PRPF3: variants seen among roughly 807,000 people sequenced by gnomAD.
PRPF3 encodes pre-mRNA processing factor 3, also known as U4/U6 small nuclear ribonucleoprotein Prp3.
A neutral mutation model predicts 89.2 loss-of-function variants in PRPF3; 3 were observed. The observed-to-expected ratio is 0.03, with a 90% CI of 0.02 to 0.09. The LOEUF (loss-of-function observed/expected upper bound fraction) is 0.09, where lower values mean the gene tolerates loss of function less well. PRPF3 is among the 10% of genes least tolerant of loss of function. The pLI is 1.00. For missense variants in PRPF3, 463 were observed against 828.8 expected (o/e 0.56, Z 5.42); for synonymous variants, 270 against 289.1 (o/e 0.93, Z 0.67).
At chr1:150,334,180 G>A (rs782505729) in intron 6 of PRPF3, among the ~76,000 whole-genome samples, 2 of 151,908 alleles carry the variant, frequency 1.3e-5, no homozygotes, top group African/African-American at 4.8e-5. Context: ...TAGAGCATGC[G>A]TGTAGTTCCA....
intron 7 of PRPF3, 103 bp from the exon 8 acceptor site, chr1:150,338,057 A>G (rs1657244592): frequency 1.6e-6 from 2 of 1,277,478 alleles, no homozygotes; most frequent in Non-Finnish European, 2.2e-6. Context: ...CTGGGCAAGA[A>G]GAACGAAACT....
chr1:150,344,473 A>T lies in PRPF3; in HGVS notation c.1566A>T (p.Ala522=), dbSNP rs1658085256. 1 of 1,614,228 alleles carries T rather than the reference A, an allele frequency of 6.2e-7. No homozygotes were observed. The highest frequency in any genetic ancestry group is 8.5e-7 in the Non-Finnish European group (1 of 1,180,036). The part of the protein sequence containing the change: ...EEANAARKLT[A]EQRKVKKIKK... ...CCAACGCTGCCCGAAAACTCACAGC[A>T]GAACAGAGAAAGGTCAAGAAAATTA... The change falls in exon 12 of 16, where the codon GCA becomes GCT. Residue 522 remains alanine (A), a synonymous_variant. Coordinates refer to ENST00000324862, the MANE Select transcript of PRPF3 (RefSeq NM_004698.4).
intron 13 of PRPF3, 72 bp downstream of exon 13, chr1:150,346,208 G>A: frequency 1.4e-6 from 2 of 1,416,068 alleles, no homozygotes; most frequent in Non-Finnish European, 2.0e-6. Context: ...ATTGTGGGGA[G>A]AAAGGAGAAA....
intron 2 of PRPF3, among the ~76,000 whole-genome samples, chr1:150,325,350 AT>A (rs1419308179): frequency 4.6e-5 from 7 of 152,222 alleles, no homozygotes; most frequent in African/African-American, 1.7e-4. Flanking sequence ...CTTAGGAAGT[AT>A]GCTTAAGTCA....
chr1:150,338,304 A>G lies in PRPF3; in HGVS notation c.1180A>G (p.Ile394Val). Residue 394 changes from isoleucine to valine, a missense_variant, in exon 8 of 16, where the codon ATA (isoleucine) becomes GTA (valine). Transcript: ENST00000324862. ...IPEIEWWDSY[I>V]IPNGFDLTEE... ...TGAAATTGAGTGGTGGGACTCTTAC[A>G]TAATCCCCAATGGCTTTGATCTGTG... 10 of 1,614,098 alleles carry G rather than the reference A, an allele frequency of 6.2e-6. No homozygotes were observed. Among genetic ancestry groups the G allele is most frequent in the East Asian group, 2.2e-5 (1 of 44,878 alleles).
chr1:150,324,938 GA>G lies in PRPF3; in HGVS notation c.1del. On this transcript the variant is annotated 5_prime_UTR_variant, in exon 2 of 16. Transcript: ENST00000324862. ...TTTGAGCTATTGTTCTCTTTTTCCT[GA>G]AAAATGGCACTGTCAAAGAGGGAGC... 6.3e-7 allele frequency: 1 copy of G among 1,583,296 alleles called. No homozygotes were observed. Among genetic ancestry groups the G allele is most frequent in the African/African-American group, 1.4e-5 (1 of 70,334 alleles).
intron 7 of PRPF3, among the ~76,000 whole-genome samples, chr1:150,337,385 T>C (rs1394662528): frequency 6.6e-6 from 1 of 151,806 alleles, no homozygotes; most frequent in Admixed American, 6.6e-5. Context: ...TACTGTGGAG[T>C]GCAGGGAGGG....
chr1:150,338,989 A>G (rs1034947584), intron 8 of PRPF3, among the ~76,000 whole-genome samples: 5 of 152,054 alleles, frequency 3.3e-5, no homozygotes, highest in African/African-American at 4.8e-5. Flanking sequence ...TTCTTTTGCT[A>G]CGTATTATAG....
Position 150,335,182 on chromosome 1 carries a change from A to C in PRPF3, c.976A>C (p.Thr326Pro), listed in dbSNP as rs782792715. 2 of 1,614,030 alleles carry C rather than the reference A, an allele frequency of 1.2e-6. No homozygotes were observed. Among genetic ancestry groups the C allele is most frequent in the South Asian group, 1.1e-5 (1 of 91,080 alleles). The change falls in exon 7 of 16, where the codon ACT becomes CCT. Residue 326 changes from threonine (T) to proline (P), a missense_variant. Thr to Pro is a conservative substitution (Grantham distance 38, BLOSUM62 -1). This residue lies in a region of PRPF3 where 261 missense variants were observed against 475.8 expected (regional missense o/e 0.55). Coordinates refer to ENST00000324862, the MANE Select transcript of PRPF3 (RefSeq NM_004698.4). ...SIAPSQRQRR[T>P]FKFHDKGKFE... ...TGCCCCTTCCCAGCGCCAGAGACGC[A>C]CTTTTAAATTCCATGACAAGGGCAA...
chr1:150,344,889 CT>C (rs879999153), intron 12 of PRPF3, among the ~76,000 whole-genome samples: 95 of 137,808 alleles, frequency 6.9e-4, no homozygotes, highest in Middle Eastern at 3.7e-3. Flanking sequence ...TTTTTTTCAT[CT>C]TTTTTTTTTT....
intron 9 of PRPF3, 65 bp downstream of exon 9, chr1:150,340,542 A>C (rs1316106347): frequency 2.9e-5 from 35 of 1,224,664 alleles, no homozygotes; most frequent in Non-Finnish European, 3.4e-5. Context: ...TTATACAGTG[A>C]GGAACATGTT....
chr1:150,332,903 G>A, intron 5 of PRPF3, 76 bp from the exon 6 acceptor site: 1 of 1,489,206 alleles, frequency 6.7e-7, no homozygotes, highest in African/African-American at 1.4e-5. Context: ...CATGATGTGT[G>A]TGTATATCTG....
In PRPF3 at chr1:150,332,970, A is replaced by T. The variant is rs781839797; in HGVS notation, c.508-9A>T. The T allele has an allele frequency of 1.9e-6, 3 of 1,608,558 alleles. No homozygotes were observed. In the Admixed American group the frequency reaches 5.0e-5, roughly 27 times the overall value. On this transcript the variant is annotated splice_polypyrimidine_tract_variant and intron_variant, in intron 5 of 15. Transcript: ENST00000324862. ...TAATTCCTCTGATTTCTTTTTCTCTATCTCACAGCCAAAGACTCCTTCTTC... is the reference window on the plus strand; with the variant it reads ...TAATTCCTCTGATTTCTTTTTCTCTTTCTCACAGCCAAAGACTCCTTCTTC...
At chr1:150,335,391 T>C in intron 7 of PRPF3, 150 bp downstream of exon 7, 3 of 924,964 alleles carry the variant, frequency 3.2e-6, no homozygotes, top group Non-Finnish European at 3.3e-6. Context: ...ACTTGTTTCA[T>C]GGAAGATAAT....
rs781784335 is a variant in PRPF3, at chr1:150,352,942, T to G, written c.2015T>G (p.Leu672Arg). The G allele has an allele frequency of 6.2e-7, 1 of 1,614,176 alleles. No individual in the cohort carries two copies. The highest frequency in any genetic ancestry group is 8.5e-7 in the Non-Finnish European group (1 of 1,180,018). The change falls in exon 16 of 16, where the codon CTT becomes CGT. Residue 672 changes from leucine to arginine, a missense_variant. Around this residue, in one of 8 missense-constraint regions of PRPF3, gnomAD observed 78 missense variants for 96.6 expected, o/e 0.81. Transcript: ENST00000324862. ...KKHGAEHYWD[L>R]ALSESVLEST... ...CATGGGGCTGAACACTACTGGGACC[T>G]TGCGCTGAGTGAATCTGTGTTAGAG...
intron 6 of PRPF3, 120 bp downstream of exon 6, chr1:150,333,319 G>A (rs1656619423): frequency 8.9e-7 from 1 of 1,119,146 alleles, no homozygotes; most frequent in African/African-American, 1.5e-5. Context: ...TAGCACTTTG[G>A]GAGGCTGAGG....
At chr1:150,349,896 C>T (rs11586630) in intron 15 of PRPF3, among the ~76,000 whole-genome samples, 1,793 of 25,196 alleles carry the variant, frequency 0.071, 41 homozygotes, top group African/African-American at 0.23. Context: ...GGCGGGGGGG[C>T]GGGGGGCGGT....
rs202051103 is a variant in PRPF3, at chr1:150,334,367, TTTG to T, written c.729-552_729-550del. On this transcript the variant is annotated intron_variant, in intron 6 of 15. Transcript: ENST00000324862. Reference sequence around the variant, plus strand: ...TCCCTAGAATTATTTTATTGTCCTTTTTGTTGTTGTTGTTGTTGAGAGGGAGTC... The same window carrying T: ...TCCCTAGAATTATTTTATTGTCCTTTTTGTTGTTGTTGTTGAGAGGGAGTC... Among the ~76,000 whole-genome samples, 1,360 of 152,070 alleles carry T rather than the reference TTTG, an allele frequency of 8.9e-3. 25 individuals carry two copies. Among genetic ancestry groups the T allele is most frequent in the African/African-American group, 0.03 (1,228 of 41,498 alleles).
intron 1 of PRPF3, among the ~76,000 whole-genome samples, chr1:150,323,779 CT>C (rs781936072): frequency 2.4e-5 from 3 of 126,122 alleles, no homozygotes; most frequent in Non-Finnish European, 3.2e-5. Context: ...ACAGAACATT[CT>C]TTTTTTTTTT....
Sources: gnomAD v4.1 joint callset for allele counts (sites outside exome capture counted in the v4.1 genomes callset) on GRCh38, gnomAD v4.1.1 for gene constraint, gnomAD v4.1.1 regional missense constraint, MANE v1.5 for transcripts, NCBI Gene and HGNC (gene_info 2026-07-23, HGNC 2026-07-21) for gene names.